The following ANKRD44 variants were observed in gnomAD, a reference collection of about 807,000 sequenced individuals.
ANKRD44 encodes serine/threonine-protein phosphatase 6 regulatory ankyrin repeat subunit B.
In ANKRD44, 35 loss-of-function variants were observed where a neutral mutation model predicts 116.0. That is an observed-to-expected ratio of 0.30 (90% confidence interval 0.23 to 0.40). The LOEUF (loss-of-function observed/expected upper bound fraction) is 0.40. ANKRD44 is among the 10% of genes least tolerant of loss of function. The pLI is 1.00. For synonymous variants in ANKRD44, 435 were observed against 461.8 expected (o/e 0.94, Z 0.74); for missense variants, 1,014 against 1,242.6 (o/e 0.82, Z 2.77).
chr2:197,030,956 G>T (rs368434386), intron 16 of ANKRD44, among the ~76,000 whole-genome samples: 1 of 152,038 alleles, frequency 6.6e-6, no homozygotes, highest in South Asian at 2.1e-4. Context: ...GACTACAAGT[G>T]TGAGCCACCA....
At position 197,182,191 on chromosome 2, in the gene ANKRD44, A is replaced by C. The variant is rs538232904; in HGVS notation, c.111+4832T>G. 2.2e-4 allele frequency among the ~76,000 whole-genome samples: 34 copies of C among 152,316 alleles called. No individual in the cohort carries two copies. The South Asian group carries it at 6.8e-3, about 31-fold the overall frequency. The stretch of plus-strand genomic sequence containing the variant: ...TTGGTTAGTCAGGTGGAGGCTTCTA[A>C]AATCTTTCTAGCTATCTGCCAAATC... On this transcript the variant is annotated intron_variant, in intron 2 of 27. Coordinates refer to ENST00000282272, the MANE Select transcript of ANKRD44 (RefSeq NM_001195144.2).
At chr2:197,085,698 T>C (rs1382210779) in intron 13 of ANKRD44, among the ~76,000 whole-genome samples, 1 of 149,508 alleles carries the variant, frequency 6.7e-6, no homozygotes, top group African/African-American at 2.4e-5. Flanking sequence ...ATCCACCCCT[T>C]GTTTAGCATA....
At chr2:197,230,985 A>G (rs1185538353) in intron 1 of ANKRD44, among the ~76,000 whole-genome samples, 1 of 152,212 alleles carries the variant, frequency 6.6e-6, no homozygotes, top group African/African-American at 2.4e-5. Flanking sequence ...GAATGGCTGA[A>G]AAATGGGCCC....
chr2:196,987,679 A>C lies in ANKRD44; in HGVS notation c.*1912T>G. ...GCTATTTACTGTAGAATCATAGCAGATTTTAGGCAATTTGGAGATAGTAAT... is the reference window on the plus strand; with the variant it reads ...GCTATTTACTGTAGAATCATAGCAGCTTTTAGGCAATTTGGAGATAGTAAT... On this transcript the variant is annotated 3_prime_UTR_variant, in exon 28 of 28. Transcript: ENST00000282272. 1 of 985,462 alleles carries C rather than the reference A, an allele frequency of 1.0e-6. No homozygotes were observed. 61.0% of individuals were successfully genotyped at this position (985,462 alleles called of 1,614,324 possible).
intron 2 of ANKRD44, among the ~76,000 whole-genome samples, chr2:197,159,709 C>CTGT (rs2079911041): frequency 6.6e-6 from 1 of 152,198 alleles, no homozygotes; most frequent in Non-Finnish European, 1.5e-5. Context: ...TTGCCAAGTA[C>CTGT]TGTTCTATAC....
At chr2:197,159,568 G>T (rs1263194536) in intron 2 of ANKRD44, among the ~76,000 whole-genome samples, 2 of 152,218 alleles carry the variant, frequency 1.3e-5, no homozygotes, top group Non-Finnish European at 2.9e-5. Context: ...ATTATTTCCT[G>T]TCCAAAGACT....
chr2:197,146,950 A>C (rs1018867798), intron 3 of ANKRD44, 77 bp downstream of exon 3: 2 of 1,287,130 alleles, frequency 1.6e-6, no homozygotes, highest in African/African-American at 3.0e-5. Flanking sequence ...GCTTGGGTTC[A>C]CTGTAGTAGT....
At chr2:197,011,055 G>A (rs925326400) in intron 18 of ANKRD44, among the ~76,000 whole-genome samples, 1 of 152,132 alleles carries the variant, frequency 6.6e-6, no homozygotes, top group South Asian at 2.1e-4. Context: ...GAAATTCTGT[G>A]GATTGGAGTA....
intron 4 of ANKRD44, among the ~76,000 whole-genome samples, chr2:197,133,391 C>T (rs2579390): frequency 0.93 from 141,466 of 152,150 alleles, 66,054 homozygotes; most frequent in East Asian, 1. Flanking sequence ...GTGATAGCCT[C>T]ACACAGACCA....
chr2:197,274,708 C>A (rs184098681), intron 1 of ANKRD44, among the ~76,000 whole-genome samples: 1 of 152,294 alleles, frequency 6.6e-6, no homozygotes, highest in Admixed American at 6.5e-5. Context: ...TTCTAGAGAA[C>A]CCAACCTGCA....
At chr2:197,016,602 A>G (rs1482952956) in intron 17 of ANKRD44, among the ~76,000 whole-genome samples, 4 of 152,222 alleles carry the variant, frequency 2.6e-5, no homozygotes, top group Non-Finnish European at 5.9e-5. Context: ...CATGATCTGA[A>G]TGGGCACTGA....
chr2:197,186,607 T>TTTTTC (rs1428042721), intron 2 of ANKRD44, among the ~76,000 whole-genome samples: 2 of 100,020 alleles, frequency 2.0e-5, no homozygotes, highest in South Asian at 3.6e-4. Context: ...GCCCGGCTAA[T>TTTTTC]TTTTCTTTTT....
chr2:197,260,711 T>C (rs901236108), intron 1 of ANKRD44, among the ~76,000 whole-genome samples: 4 of 151,990 alleles, frequency 2.6e-5, no homozygotes, highest in African/African-American at 9.7e-5. Context: ...AATGTAAAAG[T>C]GTTCCTATTT....
intron 1 of ANKRD44, among the ~76,000 whole-genome samples, chr2:197,247,360 G>A (rs1347446461): frequency 6.6e-6 from 1 of 152,146 alleles, no homozygotes; most frequent in Non-Finnish European, 1.5e-5. Context: ...GCTGGGCATA[G>A]GTTGCTGAAA....
intron 16 of ANKRD44, among the ~76,000 whole-genome samples, chr2:197,067,372 G>A (rs1167549620): frequency 1.3e-5 from 2 of 152,140 alleles, no homozygotes; most frequent in Non-Finnish European, 2.9e-5. Context: ...CATAGGCCTG[G>A]GCAAGGACTT....
intron 15 of ANKRD44, among the ~76,000 whole-genome samples, chr2:197,080,907 G>A (rs1387926035): frequency 6.6e-6 from 1 of 152,176 alleles, no homozygotes. Context: ...CAAGGAGTGG[G>A]TACCAATTCG....
intron 25 of ANKRD44, among the ~76,000 whole-genome samples, chr2:196,997,107 C>A (rs1026387209): frequency 6.6e-6 from 1 of 151,900 alleles, no homozygotes; most frequent in Admixed American, 6.6e-5. Context: ...ACATAACACT[C>A]AGATTTTTGG....
chr2:197,227,795 G>A (rs2081755609), intron 1 of ANKRD44, among the ~76,000 whole-genome samples: 1 of 152,136 alleles, frequency 6.6e-6, no homozygotes, highest in South Asian at 2.1e-4. Context: ...TTTCCTCATA[G>A]GTAAAGCTCA....
intron 20 of ANKRD44, 44 bp from the exon 21 acceptor site, chr2:197,005,954 TAAGG>T (rs2076194210): frequency 6.3e-7 from 1 of 1,594,272 alleles, no homozygotes; most frequent in South Asian, 1.1e-5. Context: ...CTCAGAAGAC[TAAGG>T]AAGCAAAGCA....
Sources: gnomAD v4.1 joint callset for allele counts (sites outside exome capture counted in the v4.1 genomes callset) on GRCh38, gnomAD v4.1.1 for gene constraint, MANE v1.5 for transcripts, NCBI Gene and HGNC (gene_info 2026-07-23, HGNC 2026-07-21) for gene names.